Variants in CRPPA observed in about 807,000 individuals in gnomAD.
The protein encoded by CRPPA is D-ribitol-5-phosphate cytidylyltransferase.
CRPPA carries 43 observed loss-of-function variants against 52.0 expected under a neutral mutation model. That is an observed-to-expected ratio of 0.83 (90% confidence interval 0.65 to 1.07). The LOEUF is 1.07. Ranked by LOEUF, CRPPA falls within the 50% of genes least tolerant of loss-of-function variation. The pLI, the probability that CRPPA is intolerant of heterozygous loss-of-function variation, is 0.00. For missense variants in CRPPA, 629 were observed against 551.7 expected, an observed-to-expected ratio of 1.14 and a Z score of -1.40; for synonymous variants, 250 against 203.5, an observed-to-expected ratio of 1.23 and a Z score of -1.94.
At chr7:16,197,748 T>C (rs1223316221) in intron 9 of CRPPA, among the ~76,000 whole-genome samples, 1 of 150,614 alleles carries the variant, frequency 6.6e-6, no homozygotes, top group Non-Finnish European at 1.5e-5. Flanking sequence ...AGAGATCAGA[T>C]TGTTACTGTG....
intron 8 of CRPPA, among the ~76,000 whole-genome samples, chr7:16,251,251 G>T (rs936651341): frequency 6.6e-6 from 1 of 152,136 alleles, no homozygotes; most frequent in African/African-American, 2.4e-5. Context: ...CCTACAAAGA[G>T]AATTAGACTC....
rs185910791 is a variant in CRPPA at position 16,186,884 on chromosome 7, G to A, written c.1251+29182C>T. On this transcript the variant is annotated intron_variant, in intron 9 of 9. Coordinates refer to ENST00000407010, the MANE Select transcript of CRPPA (RefSeq NM_001101426.4). ...TTGTCCCACCATCAATGGATTCAAT[G>A]CATTCAACGTTTGTTAACCTACGTG... is the stretch of plus-strand genomic sequence containing the variant. Among the ~76,000 whole-genome samples, 22 of 152,282 alleles carry A rather than the reference G, an allele frequency of 1.4e-4. No homozygotes were observed. In the East Asian group the frequency reaches 4.1e-3, roughly 28 times the overall value.
intron 2 of CRPPA, among the ~76,000 whole-genome samples, chr7:16,387,590 T>C (rs1169181245): frequency 6.6e-6 from 1 of 152,036 alleles, no homozygotes; most frequent in Admixed American, 6.5e-5. Context: ...TCACATGCTG[T>C]CTACAAGAGA....
At chr7:16,325,581 C>G (rs926644128) in intron 3 of CRPPA, among the ~76,000 whole-genome samples, 5 of 152,142 alleles carry the variant, frequency 3.3e-5, no homozygotes, top group African/African-American at 9.7e-5. Context: ...ATAACTTTGA[C>G]AGCATCACTG....
chr7:16,324,185 G>C (rs570886486), intron 3 of CRPPA, among the ~76,000 whole-genome samples: 9 of 152,176 alleles, frequency 5.9e-5, no homozygotes, highest in Admixed American at 1.3e-4. Flanking sequence ...TCCTGACAGG[G>C]AATGGACTAA....
chr7:16,160,753 G>A (rs1042157986), intron 9 of CRPPA, among the ~76,000 whole-genome samples: 6 of 152,138 alleles, frequency 3.9e-5, no homozygotes, highest in African/African-American at 9.7e-5. Context: ...ACTACTTTGC[G>A]CAGTATGGCC....
intron 3 of CRPPA, among the ~76,000 whole-genome samples, chr7:16,371,033 T>A (rs1786735347): frequency 6.6e-6 from 1 of 151,930 alleles, no homozygotes; most frequent in African/African-American, 2.4e-5. Flanking sequence ...GGAACAGGAG[T>A]GAGGCTATGA....
intron 9 of CRPPA, among the ~76,000 whole-genome samples, chr7:16,195,795 A>T (rs1395835337): frequency 6.6e-6 from 1 of 152,086 alleles, no homozygotes; most frequent in African/African-American, 2.4e-5. Flanking sequence ...GCTCAGGTCC[A>T]TTTCTTGCTC....
intron 4 of CRPPA, among the ~76,000 whole-genome samples, chr7:16,303,096 T>C (rs1255796670): frequency 2.0e-5 from 3 of 152,210 alleles, no homozygotes; most frequent in Non-Finnish European, 4.4e-5. Context: ...AAAAGTACTT[T>C]AAAATTCACT....
intron 8 of CRPPA, among the ~76,000 whole-genome samples, chr7:16,235,151 C>T (rs971889505): frequency 4.6e-5 from 7 of 151,892 alleles, no homozygotes; most frequent in Admixed American, 6.6e-5. Context: ...AAATCTCTCA[C>T]GGTGGCTATG....
At chr7:16,349,246 A>G (rs1275200146) in intron 3 of CRPPA, among the ~76,000 whole-genome samples, 3 of 152,156 alleles carry the variant, frequency 2.0e-5, no homozygotes, top group African/African-American at 7.2e-5. Flanking sequence ...AAGGTCCACA[A>G]AAAACAGACA....
chr7:16,272,297 G>C (rs1784108470), intron 6 of CRPPA, among the ~76,000 whole-genome samples: 1 of 152,164 alleles, frequency 6.6e-6, no homozygotes, highest in African/African-American at 2.4e-5. Context: ...CCAGGTATTT[G>C]GTGGGTATCA....
intron 5 of CRPPA, among the ~76,000 whole-genome samples, chr7:16,296,602 A>C (rs1784680641): frequency 6.6e-6 from 1 of 152,136 alleles, no homozygotes; most frequent in Admixed American, 6.5e-5. Context: ...TTAAAAAAAA[A>C]CAAACATGAA....
intron 9 of CRPPA, among the ~76,000 whole-genome samples, chr7:16,130,883 G>T (rs1481687046): frequency 6.6e-6 from 1 of 152,076 alleles, no homozygotes; most frequent in Non-Finnish European, 1.5e-5. Flanking sequence ...TAAGGACAGA[G>T]CCATCATTAC....
chr7:16,093,274 T>C lies in CRPPA; in HGVS notation c.1252-1475A>G, dbSNP rs183587730. On this transcript the variant is annotated intron_variant, in intron 9 of 9. Coordinates refer to ENST00000407010, the MANE Select transcript of CRPPA (RefSeq NM_001101426.4). ...AAAGCAAAAGAGGTTCTGATTATGA[T>C]AGACATATCACCCTTTTAGTTGAGC... Among the ~76,000 whole-genome samples the C allele has an allele frequency of 3.3e-4, 51 of 152,320 alleles. 1 individual carries two copies. The highest frequency in any genetic ancestry group is 1.0e-3 in the Admixed American group (16 of 15,290).
chr7:16,262,200 AATTT>A (rs1157702149), intron 6 of CRPPA: 1 of 152,074 alleles, frequency 6.6e-6, no homozygotes, highest in African/African-American at 2.4e-5. Context: ...CTTTCTGAAG[AATTT>A]ATTTATTTTT....
At position 16,418,713 on chromosome 7, in the gene CRPPA, C is replaced by T. The variant is rs554377614; in HGVS notation, c.257+2353G>A. ...AATCCCCATGATTCAATTACCTCCA[C>T]CTGATCTCTGTCCCATGATTCAATT... is the stretch of plus-strand genomic sequence containing the variant. On this transcript the variant is annotated intron_variant, in intron 1 of 9. Coordinates refer to ENST00000407010, the MANE Select transcript of CRPPA (RefSeq NM_001101426.4). 1.8e-4 allele frequency among the ~76,000 whole-genome samples: 27 copies of T among 152,264 alleles called. No individual in the cohort carries two copies. In the East Asian group the frequency reaches 5.2e-3, roughly 29 times the overall value.
chr7:16,420,973 C>T, intron 1 of CRPPA, 93 bp downstream of exon 1: 1 of 1,113,002 alleles, frequency 9.0e-7, no homozygotes, highest in Non-Finnish European at 1.2e-6. Flanking sequence ...CGGCAGTCCC[C>T]CAAGTGAAGG....
chr7:16,368,316 CT>C (rs1786662353), intron 3 of CRPPA, among the ~76,000 whole-genome samples: 1 of 151,976 alleles, frequency 6.6e-6, no homozygotes, highest in African/African-American at 2.4e-5. Context: ...AAATATTTTC[CT>C]TTAGCAAACT....
Sources: allele counts gnomAD v4.1 joint callset (sites outside exome capture counted in the v4.1 genomes callset), GRCh38; gene constraint gnomAD v4.1.1; transcripts MANE v1.5; gene names NCBI Gene and HGNC (gene_info 2026-07-23, HGNC 2026-07-21).